The following SPIDR variants were observed in gnomAD, a reference collection of about 807,000 sequenced individuals.
The protein encoded by SPIDR is DNA repair-scaffolding protein.
SPIDR carries 93 observed loss-of-function variants against 104.6 expected under a neutral mutation model. The ratio of observed to expected loss-of-function variants is 0.89; its 90% confidence interval spans 0.75 to 1.06. The LOEUF (loss-of-function observed/expected upper bound fraction) is 1.06, where lower values mean the gene tolerates loss of function less well. Ranked by LOEUF, SPIDR falls within the 50% of genes least tolerant of loss-of-function variation. The pLI is 0.00. For synonymous variants in SPIDR, 431 were observed against 416.9 expected, an observed-to-expected ratio of 1.03 and a Z score of -0.41; for missense variants, 1,154 against 1,111.2, an observed-to-expected ratio of 1.04 and a Z score of -0.55.
chr8:47,414,088 G>A (rs1461116277), intron 7 of SPIDR, among the ~76,000 whole-genome samples: 1 of 152,204 alleles, frequency 6.6e-6, no homozygotes, highest in Non-Finnish European at 1.5e-5. Flanking sequence ...TAGGACATAG[G>A]TTTGAAGGTT....
chr8:47,593,961 C>T (rs1314061975), intron 8 of SPIDR, among the ~76,000 whole-genome samples: 1 of 152,076 alleles, frequency 6.6e-6, no homozygotes, highest in Non-Finnish European at 1.5e-5. Context: ...CCCAGAGGGG[C>T]AGGGAGTGTT....
intron 1 of SPIDR, among the ~76,000 whole-genome samples, chr8:47,277,669 CTTTTTTTTTTTT>C (rs1209041690): frequency 9.0e-6 from 1 of 110,506 alleles, no homozygotes; most frequent in Admixed American, 9.4e-5. Context: ...TGTTTAACCT[CTTTTTTTTTTTT>C]TTTTTTTTTT....
At chr8:47,292,806 A>G (rs2040156833) in intron 4 of SPIDR, among the ~76,000 whole-genome samples, 1 of 151,764 alleles carries the variant, frequency 6.6e-6, no homozygotes, top group African/African-American at 2.4e-5. Context: ...TGTTTTCTCT[A>G]TTGTATTTAT....
intron 5 of SPIDR, among the ~76,000 whole-genome samples, chr8:47,300,196 A>G (rs939443267): frequency 6.6e-6 from 1 of 152,230 alleles, no homozygotes; most frequent in African/African-American, 2.4e-5. Context: ...GTATGTGTCC[A>G]GGAATTTACC....
At position 47,685,517 on chromosome 8, in the gene SPIDR, ATTTT is replaced by A. The variant is rs370526185; in HGVS notation, c.1685+11580_1685+11583del. On this transcript the variant is annotated intron_variant, in intron 11 of 19. Transcript: ENST00000297423. ...TATTTATTTATTTATTTATTTATTT[ATTTT>A]TTTGAGACAGTCTCTCTCTGTCGCC... Among the ~76,000 whole-genome samples the A allele has an allele frequency of 1.2e-4, 16 of 130,170 alleles. No individual in the cohort carries two copies. In the East Asian group the frequency reaches 1.7e-3, roughly 14 times the overall value. The allele number at this position is 130,170 out of a possible 152,430, so 85.4% of individuals were successfully genotyped here. A position where few individuals can be genotyped will look rare whatever the true frequency, so the allele number is the denominator to read the frequency against.
At chr8:47,421,127 T>A (rs2065376053) in intron 7 of SPIDR, among the ~76,000 whole-genome samples, 1 of 152,238 alleles carries the variant, frequency 6.6e-6, no homozygotes, top group South Asian at 2.1e-4. Flanking sequence ...TGTGCTGTTC[T>A]CTGTATTTGC....
chr8:47,303,414 C>G (rs1170070720), intron 5 of SPIDR, among the ~76,000 whole-genome samples: 1 of 152,226 alleles, frequency 6.6e-6, no homozygotes, highest in Non-Finnish European at 1.5e-5. Flanking sequence ...ATGCCTCGCC[C>G]TGCTTCGGCT....
chr8:47,698,900 G>A (rs1051029583), intron 11 of SPIDR, among the ~76,000 whole-genome samples: 11 of 152,324 alleles, frequency 7.2e-5, no homozygotes, highest in African/African-American at 1.7e-4. Context: ...AACAATGGCC[G>A]AACAGGGAGT....
intron 19 of SPIDR, among the ~76,000 whole-genome samples, chr8:47,734,918 A>G (rs2085937659): frequency 6.6e-6 from 1 of 152,250 alleles, no homozygotes; most frequent in Non-Finnish European, 1.5e-5. Context: ...AAATCCCTCA[A>G]CCGGAAGTGT....
intron 5 of SPIDR, among the ~76,000 whole-genome samples, chr8:47,318,328 G>A (rs1231708331): frequency 1.3e-5 from 2 of 151,886 alleles, no homozygotes; most frequent in Non-Finnish European, 2.9e-5. Flanking sequence ...TCGATCAACT[G>A]GAAGAAAGGG....
chr8:47,381,122 G>C (rs2059276331), intron 5 of SPIDR, among the ~76,000 whole-genome samples: 1 of 152,222 alleles, frequency 6.6e-6, no homozygotes. Context: ...TGTGTGCCAT[G>C]GCTGCACTGG....
At chr8:47,386,370 T>C (rs1396483252) in intron 5 of SPIDR, among the ~76,000 whole-genome samples, 2 of 152,230 alleles carry the variant, frequency 1.3e-5, no homozygotes, top group Non-Finnish European at 2.9e-5. Flanking sequence ...ATGGGGTAAT[T>C]CTACTTGACG....
intron 10 of SPIDR, among the ~76,000 whole-genome samples, chr8:47,667,170 A>G (rs2075058450): frequency 6.6e-6 from 1 of 152,100 alleles, no homozygotes; most frequent in Non-Finnish European, 1.5e-5. Flanking sequence ...AGTCCCAGCT[A>G]CTTGGGAGGC....
intron 10 of SPIDR, among the ~76,000 whole-genome samples, chr8:47,626,738 A>G (rs2066192167): frequency 6.6e-6 from 1 of 152,230 alleles, no homozygotes; most frequent in Non-Finnish European, 1.5e-5. Context: ...TCAGGAAACA[A>G]CAGGTGCTGG....
intron 11 of SPIDR, among the ~76,000 whole-genome samples, chr8:47,693,420 A>G (rs2078938977): frequency 6.6e-6 from 1 of 152,208 alleles, no homozygotes; most frequent in Non-Finnish European, 1.5e-5. Context: ...GCGTTGAGGG[A>G]CACTTGTGAT....
chr8:47,299,529 C>A (rs1329615850), intron 5 of SPIDR, among the ~76,000 whole-genome samples: 41 of 151,976 alleles, frequency 2.7e-4, no homozygotes, highest in African/African-American at 5.3e-4. Flanking sequence ...GTCTTGTGCC[C>A]GTTTTCAAAG....
intron 5 of SPIDR, among the ~76,000 whole-genome samples, chr8:47,367,287 C>A (rs2057354510): frequency 6.6e-6 from 1 of 152,160 alleles, no homozygotes; most frequent in South Asian, 2.1e-4. Context: ...GGACCTCAGT[C>A]CTATCACTGC....
chr8:47,474,222 G>A (rs188176784), intron 8 of SPIDR, among the ~76,000 whole-genome samples: 72 of 152,266 alleles, frequency 4.7e-4, no homozygotes, highest in African/African-American at 1.5e-3. Context: ...ATATTTGACC[G>A]TGAATCCTCA....
rs528055943 is a variant in SPIDR at position 47,368,114 on chromosome 8, C to A, written c.526-28262C>A. On this transcript the variant is annotated intron_variant, in intron 5 of 19. Transcript: ENST00000297423. The stretch of plus-strand genomic sequence containing the variant: ...ATAGGTAGCCATCTTTTTGGTGTAA[C>A]CTCACATGGTGGAAGGGACAAGGCA... Among the ~76,000 whole-genome samples, 20 of 151,982 alleles carry A rather than the reference C, an allele frequency of 1.3e-4. No homozygotes were observed. In the South Asian group the frequency reaches 1.7e-3, roughly 13 times the overall value.
Sources: allele counts gnomAD v4.1 joint callset (sites outside exome capture counted in the v4.1 genomes callset), GRCh38; gene constraint gnomAD v4.1.1; transcripts MANE v1.5; gene names NCBI Gene and HGNC (gene_info 2026-07-23, HGNC 2026-07-21).